The following MGST1 variants were observed in gnomAD, a reference collection of about 807,000 sequenced individuals.
The protein encoded by MGST1 is microsomal glutathione S-transferase 1.
A neutral mutation model predicts 8.9 loss-of-function variants in MGST1; 5 were observed. The ratio of observed to expected loss-of-function variants is 0.56; its 90% confidence interval spans 0.29 to 1.19. The LOEUF (loss-of-function observed/expected upper bound fraction) is 1.19. MGST1 is among the 50% of genes most tolerant of loss of function. The pLI is 0.08. For missense variants in MGST1, 182 were observed against 187.4 expected, an observed-to-expected ratio of 0.97 and a Z score of 0.17; for synonymous variants, 54 against 67.8, an observed-to-expected ratio of 0.80 and a Z score of 1.00.
rs1463759474 is a variant in MGST1, at chr12:16,548,193, G to A, written n.483-41335G>A. Among the ~76,000 whole-genome samples, 2 of 152,076 alleles carry A rather than the reference G, an allele frequency of 1.3e-5. No homozygotes were observed. The highest frequency in any genetic ancestry group is 2.4e-5 in the African/African-American group (1 of 41,416). ...CCCATAAAAATAAATAGCGGTAAACGACCTAGCGCAGAGATCCTAAACATT... is the reference window on the plus strand; with the variant it reads ...CCCATAAAAATAAATAGCGGTAAACAACCTAGCGCAGAGATCCTAAACATT... On this transcript the variant is annotated intron_variant and non_coding_transcript_variant, in intron 4 of 4. Coordinates refer to the MGST1 transcript ENST00000538857. This position sits in a 1 kb window ranked among gnomAD's most constrained non-coding sequence, Gnocchi z 4.2.
chr12:16,538,727 G>A (rs571328441), intron 4 of MGST1, among the ~76,000 whole-genome samples: 1 of 151,446 alleles, frequency 6.6e-6, no homozygotes, highest in East Asian at 2.0e-4. Flanking sequence ...TCCTGCCTCA[G>A]CCTCCTGAGT....
intron 4 of MGST1, among the ~76,000 whole-genome samples, chr12:16,460,500 G>A (rs969784876): frequency 1.3e-5 from 2 of 151,626 alleles, no homozygotes; most frequent in Admixed American, 6.6e-5. Flanking sequence ...GTTCCCCTTC[G>A]AATGGTCTCT....
chr12:16,445,123 T>C (rs1280242020), intron 4 of MGST1, among the ~76,000 whole-genome samples: 1 of 151,764 alleles, frequency 6.6e-6, no homozygotes, highest in African/African-American at 2.4e-5. Context: ...GTCTAGCCCT[T>C]TTCTGCTCTA....
At chr12:16,496,180 G>GT (rs1401099302) in intron 4 of MGST1, among the ~76,000 whole-genome samples, 1 of 152,034 alleles carries the variant, frequency 6.6e-6, no homozygotes, top group African/African-American at 2.4e-5. Flanking sequence ...AGAGAGGTGT[G>GT]TAAGGGGATT....
At chr12:16,577,271 A>C (rs1943022219) in intron 4 of MGST1, among the ~76,000 whole-genome samples, 1 of 152,126 alleles carries the variant, frequency 6.6e-6, no homozygotes, top group Non-Finnish European at 1.5e-5. Context: ...AAAGGCCGTA[A>C]ACTTTCTTCT....
chr12:16,464,940 C>T (rs1941243540), intron 4 of MGST1, among the ~76,000 whole-genome samples: 1 of 152,194 alleles, frequency 6.6e-6, no homozygotes, highest in Non-Finnish European at 1.5e-5. Context: ...CTCATTTCCC[C>T]TTGTGCACAC....
At chr12:16,479,009 T>C (rs1941345272) in intron 4 of MGST1, among the ~76,000 whole-genome samples, 1 of 152,118 alleles carries the variant, frequency 6.6e-6, no homozygotes, top group Admixed American at 6.6e-5. Context: ...ATTGTGTCTT[T>C]ATGAATTTAC....
intron 1 of MGST1, among the ~76,000 whole-genome samples, chr12:16,394,583 GTCTC>G (rs55755383): frequency 3.2e-5 from 3 of 93,550 alleles, no homozygotes; most frequent in Admixed American, 1.1e-4. Flanking sequence ...TCTTCTCTCT[GTCTC>G]TCTTTTTTCT....
chr12:16,568,782 C>T (rs1942706912), intron 4 of MGST1, among the ~76,000 whole-genome samples: 2 of 152,134 alleles, frequency 1.3e-5, no homozygotes, highest in Non-Finnish European at 2.9e-5. Context: ...TTCTATTGGA[C>T]AGTGCTGGTC....
chr12:16,473,704 C>A (rs1941302659), intron 4 of MGST1, among the ~76,000 whole-genome samples: 1 of 152,026 alleles, frequency 6.6e-6, no homozygotes, highest in Non-Finnish European at 1.5e-5. Context: ...TAATGACTTG[C>A]AATGCTATTT....
intron 1 of MGST1, chr12:16,402,215 A>C: frequency 6.3e-7 from 1 of 1,586,962 alleles, no homozygotes; most frequent in Non-Finnish European, 8.7e-7. Context: ...TTTTGTCATC[A>C]CAAAAGACCA....
chr12:16,353,738 T>C (rs1939579670), intron 1 of MGST1, among the ~76,000 whole-genome samples: 1 of 149,050 alleles, frequency 6.7e-6, no homozygotes, highest in South Asian at 2.1e-4. Flanking sequence ...TAGAACTAGA[T>C]AAAATATAAT....
intron 4 of MGST1, among the ~76,000 whole-genome samples, chr12:16,515,200 A>T (rs1311689054): frequency 1.3e-5 from 2 of 152,204 alleles, no homozygotes; most frequent in Non-Finnish European, 2.9e-5. Context: ...CAAGGAAAAT[A>T]TGCAGATTCC....
intron 4 of MGST1, among the ~76,000 whole-genome samples, chr12:16,478,470 A>C (rs1941339283): frequency 6.6e-6 from 1 of 152,174 alleles, no homozygotes; most frequent in Admixed American, 6.6e-5. Flanking sequence ...ATGACTTTGT[A>C]GTTATACTTT....
chr12:16,386,320 G>C (rs560459278), intron 1 of MGST1, among the ~76,000 whole-genome samples: 5 of 152,164 alleles, frequency 3.3e-5, no homozygotes, highest in African/African-American at 1.2e-4. Flanking sequence ...AAAGTGCTCC[G>C]CAGGCTCTGA....
intron 1 of MGST1, among the ~76,000 whole-genome samples, chr12:16,404,223 T>C (rs921402665): frequency 1.3e-5 from 2 of 152,196 alleles, no homozygotes; most frequent in Non-Finnish European, 2.9e-5. Flanking sequence ...TTCAGCTTTA[T>C]AGTCTATCTT....
chr12:16,420,200 CAG>C (rs764150490), intron 1 of MGST1, among the ~76,000 whole-genome samples: 19 of 152,230 alleles, frequency 1.2e-4, no homozygotes, highest in Non-Finnish European at 1.3e-4. Context: ...TAATTACACT[CAG>C]GAGCATTTTG....
chr12:16,522,873 T>A (rs1941656988), intron 4 of MGST1, among the ~76,000 whole-genome samples: 1 of 152,022 alleles, frequency 6.6e-6, no homozygotes, highest in African/African-American at 2.4e-5. Context: ...CCCTTAAAGG[T>A]AATCAAGCTG....
chr12:16,441,508 G>T (rs1941038254), downstream of MGST1, among the ~76,000 whole-genome samples: 1 of 151,766 alleles, frequency 6.6e-6, no homozygotes, highest in Non-Finnish European at 1.5e-5. Flanking sequence ...TGCCTCTCCT[G>T]TTGCTAGCGA....
Sources: allele counts gnomAD v4.1 joint callset (sites outside exome capture counted in the v4.1 genomes callset), GRCh38; gene constraint gnomAD v4.1.1; non-coding constraint Gnocchi (gnomAD v3.1); transcripts MANE v1.5; gene names NCBI Gene and HGNC (gene_info 2026-07-23, HGNC 2026-07-21).